Variants in GALNT13 observed in about 807,000 individuals in gnomAD.
The protein encoded by GALNT13 is UDP-GalNAc:polypeptide N-acetylgalactosaminyltransferase 13.
A neutral mutation model predicts 64.2 loss-of-function variants in GALNT13; 28 were observed. The ratio of observed to expected loss-of-function variants is 0.44; its 90% CI spans 0.32 to 0.60. The LOEUF (loss-of-function observed/expected upper bound fraction) is 0.60. GALNT13 is among the 20% of genes least tolerant of loss of function. The pLI is 0.05. For synonymous variants in GALNT13, 214 were observed against 224.6 expected (o/e 0.95, Z 0.42); for missense variants, 577 against 669.8 (o/e 0.86, Z 1.53).
At chr2:153,550,303 C>T in the GALNT13 span, among the ~76,000 whole-genome samples, 2 of 151,348 alleles carry the variant, frequency 1.3e-5, no homozygotes, top group African/African-American at 2.4e-5. Context: ...GGCACCATCT[C>T]GGCTCACTGC....
the GALNT13 span, among the ~76,000 whole-genome samples, chr2:153,827,731 C>G: frequency 6.6e-6 from 1 of 152,026 alleles, no homozygotes; most frequent in Non-Finnish European, 1.5e-5. Context: ...ACCAGTCATT[C>G]CTTCCCAGCA....
chr2:154,000,261 A>C (rs960044752), intron 3 of GALNT13, among the ~76,000 whole-genome samples: 1 of 152,048 alleles, frequency 6.6e-6, no homozygotes, highest in African/African-American at 2.4e-5. Context: ...TTTTCAAAAA[A>C]TAACACTGTT....
chr2:153,256,727 T>A, the GALNT13 span, among the ~76,000 whole-genome samples: 3 of 152,166 alleles, frequency 2.0e-5, no homozygotes, highest in African/African-American at 7.2e-5. Context: ...GGTGTCAGTC[T>A]GCCCCTGCTG....
chr2:154,352,640 C>A (rs531687460), intron 9 of GALNT13, among the ~76,000 whole-genome samples: 19 of 152,168 alleles, frequency 1.2e-4, no homozygotes, highest in Non-Finnish European at 1.8e-4. Flanking sequence ...TAGTCAGGCT[C>A]CATAGCTCAT....
upstream of GALNT13, among the ~76,000 whole-genome samples, chr2:153,871,715 C>T (rs556490046): frequency 1.4e-4 from 22 of 152,316 alleles, no homozygotes; most frequent in Non-Finnish European, 2.2e-4. Context: ...CCAGAAGCAG[C>T]TGGAGCGCGC....
At chr2:153,262,088 C>T in the GALNT13 span, among the ~76,000 whole-genome samples, 259 of 152,196 alleles carry the variant, frequency 1.7e-3, no homozygotes, top group African/African-American at 5.4e-3. Flanking sequence ...GATGCAAGAC[C>T]GAGTCCCCTT....
At chr2:153,623,196 T>G in the GALNT13 span, among the ~76,000 whole-genome samples, 1 of 152,120 alleles carries the variant, frequency 6.6e-6, no homozygotes, top group African/African-American at 2.4e-5. Flanking sequence ...CTCTTTTCAC[T>G]GTAACCTATT....
In GALNT13 at chr2:153,944,565, T is replaced by C. The variant is rs1558867260; in HGVS notation, c.68T>C (p.Phe23Ser). 6.2e-7 allele frequency: 1 copy of C among 1,613,628 alleles called. No homozygotes were observed. Among genetic ancestry groups the C allele is most frequent in the Non-Finnish European group, 8.5e-7 (1 of 1,179,650 alleles). Residue 23 changes from phenylalanine to serine, a missense_variant, in exon 3 of 13, where the codon TTC becomes TCC. Transcript: ENST00000392825. ...TSLMWVLVDVFLLLYFSECNK... is the reference protein window; with the variant it reads ...TSLMWVLVDVSLLLYFSECNK... ...CTGATGTGGGTTCTTGTTGATGTCT[T>C]CTTACTGCTGTACTTCAGTGAATGT...
At chr2:153,191,974 T>C in the GALNT13 span, among the ~76,000 whole-genome samples, 1 of 151,946 alleles carries the variant, frequency 6.6e-6, no homozygotes, top group Admixed American at 6.6e-5. Context: ...GGTGGTTTAT[T>C]GATTTTGTTT....
intron 3 of GALNT13, among the ~76,000 whole-genome samples, chr2:154,013,476 G>A (rs1044596089): frequency 9.2e-5 from 14 of 152,158 alleles, no homozygotes; most frequent in African/African-American, 3.4e-4. Flanking sequence ...ACCTGTGCTT[G>A]CCAGTCACTG....
chr2:154,180,917 G>A (rs1685926189), intron 4 of GALNT13, among the ~76,000 whole-genome samples: 1 of 152,118 alleles, frequency 6.6e-6, no homozygotes, highest in African/African-American at 2.4e-5. Context: ...GTCCACACAT[G>A]TGCAAGGATA....
chr2:153,323,881 G>T, the GALNT13 span, among the ~76,000 whole-genome samples: 3 of 152,016 alleles, frequency 2.0e-5, no homozygotes, highest in East Asian at 3.9e-4. Flanking sequence ...ATGCTGTTTT[G>T]GTTACTGTAA....
chr2:154,310,979 T>TAGAATATTCTAAGA (rs1694003697), intron 9 of GALNT13, among the ~76,000 whole-genome samples: 2 of 147,266 alleles, frequency 1.4e-5, no homozygotes, highest in Non-Finnish European at 3.0e-5. Flanking sequence ...TATATATTCA[T>TAGAATATTCTAAGA]AGAATATTCT....
intron 11 of GALNT13, among the ~76,000 whole-genome samples, chr2:154,414,214 CT>C (rs1320329449): frequency 6.6e-6 from 1 of 151,900 alleles, no homozygotes; most frequent in Admixed American, 6.6e-5. Context: ...GTTCTTTTTT[CT>C]TAAGATTTCA....
At chr2:153,094,315 T>G in the GALNT13 span, among the ~76,000 whole-genome samples, 1 of 152,178 alleles carries the variant, frequency 6.6e-6, no homozygotes, top group Non-Finnish European at 1.5e-5. Flanking sequence ...TTTGGTATGT[T>G]GTGTTTCCAA....
At chr2:153,747,908 A>G in the GALNT13 span, among the ~76,000 whole-genome samples, 18 of 152,128 alleles carry the variant, frequency 1.2e-4, no homozygotes, top group African/African-American at 7.2e-5. Context: ...CATTGTGTCT[A>G]TGTATCTGTT....
At chr2:153,229,633 C>T in the GALNT13 span, among the ~76,000 whole-genome samples, 23 of 152,278 alleles carry the variant, frequency 1.5e-4, no homozygotes, top group African/African-American at 4.3e-4. Context: ...AATTTCTAGA[C>T]TGCTATATAC....
the GALNT13 span, among the ~76,000 whole-genome samples, chr2:153,809,020 G>A: frequency 6.6e-6 from 1 of 152,148 alleles, no homozygotes; most frequent in Admixed American, 6.5e-5. Context: ...TGGGCACTCA[G>A]TAATGCTAAG....
chr2:153,206,023 T>A, the GALNT13 span, among the ~76,000 whole-genome samples: 1,719 of 152,028 alleles, frequency 0.011, 40 homozygotes, highest in African/African-American at 0.039. Flanking sequence ...TGGAAAAAAA[T>A]TTTGTCCTGC....
Sources: gnomAD v4.1 joint callset for allele counts (sites outside exome capture counted in the v4.1 genomes callset) on GRCh38, gnomAD v4.1.1 for gene constraint, MANE v1.5 for transcripts, NCBI Gene and HGNC (gene_info 2026-07-23, HGNC 2026-07-21) for gene names.